DAB1: variants seen among roughly 807,000 people sequenced by gnomAD.
DAB1 encodes DAB adaptor protein 1, also known as disabled homolog 1.
A neutral mutation model predicts 64.6 loss-of-function variants in DAB1; 15 were observed. The observed-to-expected ratio is 0.23, with a 90% CI of 0.16 to 0.36. DAB1 has a LOEUF of 0.36. Ranked by LOEUF, DAB1 falls within the 10% of genes least tolerant of loss-of-function variation. The pLI is 1.00. For synonymous variants in DAB1, 235 were observed against 251.9 expected (o/e 0.93, Z 0.64); for missense variants, 596 against 706.7 (o/e 0.84, Z 1.78).
intron 5 of DAB1, among the ~76,000 whole-genome samples, chr1:58,147,242 G>T (rs1375664170): frequency 6.6e-6 from 1 of 151,250 alleles, no homozygotes; most frequent in East Asian, 1.9e-4. Context: ...GGGAGGCGGA[G>T]GTTGCAGTGA....
chr1:57,573,089 T>G (rs943210976), intron 7 of DAB1, among the ~76,000 whole-genome samples: 2 of 152,016 alleles, frequency 1.3e-5, no homozygotes, highest in Non-Finnish European at 2.9e-5. Flanking sequence ...TAATTTTTGG[T>G]TTTTGGTGTT....
At chr1:58,326,552 T>C (rs1662829018) in intron 4 of DAB1, among the ~76,000 whole-genome samples, 1 of 152,212 alleles carries the variant, frequency 6.6e-6, no homozygotes, top group Non-Finnish European at 1.5e-5. Flanking sequence ...TTGAGTCACA[T>C]TCAGCAAATG....
At chr1:57,695,364 G>GAAAGAAAGA (rs1646821517) in intron 6 of DAB1, among the ~76,000 whole-genome samples, 1 of 40,162 alleles carries the variant, frequency 2.5e-5, no homozygotes, top group Admixed American at 3.0e-4. Flanking sequence ...AAAGAAAGAA[G>GAAAGAAAGA]AAAGAAAGAA....
intron 4 of DAB1, among the ~76,000 whole-genome samples, chr1:58,293,210 G>C (rs1016154866): frequency 2.6e-5 from 4 of 152,188 alleles, no homozygotes; most frequent in Non-Finnish European, 4.4e-5. Flanking sequence ...GTCATGACTT[G>C]AGTCTAGCTC....
At chr1:57,064,445 C>G (rs1412061833) in intron 8 of DAB1, among the ~76,000 whole-genome samples, 1 of 152,164 alleles carries the variant, frequency 6.6e-6, no homozygotes, top group Non-Finnish European at 1.5e-5. Context: ...TTGTGTCTTA[C>G]ATACATTCTC....
chr1:57,171,760 T>A (rs1190116131), intron 2 of DAB1, among the ~76,000 whole-genome samples: 1 of 152,214 alleles, frequency 6.6e-6, no homozygotes, highest in Non-Finnish European at 1.5e-5. Context: ...GTCTGCACAG[T>A]TTATGTCCTG....
At chr1:57,660,006 T>TAAAA (rs1341342047) in intron 6 of DAB1, among the ~76,000 whole-genome samples, 1 of 147,980 alleles carries the variant, frequency 6.8e-6, no homozygotes, top group Non-Finnish European at 1.5e-5. Context: ...AATAAATAAA[T>TAAAA]AAATAAATAA....
chr1:57,259,773 T>A (rs197638), intron 2 of DAB1, among the ~76,000 whole-genome samples: 226 of 152,092 alleles, frequency 1.5e-3, no homozygotes, highest in African/African-American at 5.2e-3. Context: ...CAATTACTTC[T>A]GAGCTTCTGC....
chr1:57,289,809 T>A (rs1310595034), intron 2 of DAB1, among the ~76,000 whole-genome samples: 1 of 152,044 alleles, frequency 6.6e-6, no homozygotes, highest in African/African-American at 2.4e-5. Flanking sequence ...CCCATGCAGC[T>A]GAGAAAACAA....
intron 3 of DAB1, among the ~76,000 whole-genome samples, chr1:58,469,577 T>A (rs1645334509): frequency 6.6e-6 from 1 of 152,220 alleles, no homozygotes; most frequent in African/African-American, 2.4e-5. Flanking sequence ...TGATCTCCAC[T>A]GAACCTTCTA....
intron 5 of DAB1, among the ~76,000 whole-genome samples, chr1:58,053,457 C>G (rs1445316653): frequency 6.6e-6 from 1 of 152,078 alleles, no homozygotes; most frequent in Non-Finnish European, 1.5e-5. Context: ...TTTCAACAAC[C>G]AACTCTCGAA....
intron 3 of DAB1, among the ~76,000 whole-genome samples, chr1:58,399,829 T>C (rs564206631): frequency 2.0e-4 from 31 of 152,280 alleles, no homozygotes; most frequent in African/African-American, 7.0e-4. Flanking sequence ...CAAGGTAATC[T>C]GTGGAGCTGG....
intron 6 of DAB1, among the ~76,000 whole-genome samples, chr1:57,689,114 G>A (rs941556948): frequency 2.6e-5 from 4 of 152,096 alleles, no homozygotes; most frequent in Non-Finnish European, 5.9e-5. Flanking sequence ...CATTTTGAGG[G>A]AAAATGAGTC....
intron 7 of DAB1, among the ~76,000 whole-genome samples, chr1:57,439,421 T>TTTTTTTTTTG (rs1558381279): frequency 8.4e-6 from 1 of 118,860 alleles, no homozygotes; most frequent in African/African-American, 3.7e-5. Context: ...TGATGAGGTT[T>TTTTTTTTTTG]TTTCTTTTTT....
At chr1:57,450,364 A>T (rs1686304259) in intron 7 of DAB1, among the ~76,000 whole-genome samples, 1 of 152,208 alleles carries the variant, frequency 6.6e-6, no homozygotes, top group Admixed American at 6.5e-5. Context: ...TAGCTTTCCA[A>T]ATAATTTAGC....
At chr1:57,384,385 T>C (rs1283058200) in intron 1 of DAB1, among the ~76,000 whole-genome samples, 1 of 152,162 alleles carries the variant, frequency 6.6e-6, no homozygotes, top group Non-Finnish European at 1.5e-5. Flanking sequence ...ATTACCATAT[T>C]ATTCAGCAAT....
Position 57,834,975 on chromosome 1 carries a change from T to C in DAB1, n.88-8520A>G, listed in dbSNP as rs1652747876. ...TGTTAAGAGAGGTCTGGGTTCTCCA[T>C]ACAGAGAGTTTAAAGTTTCATGAAA... On this transcript the variant is annotated intron_variant and non_coding_transcript_variant, in intron 1 of 1. Transcript: ENST00000477280. Among the ~76,000 whole-genome samples, 4 of 152,134 alleles carry C rather than the reference T, an allele frequency of 2.6e-5. No individual in the cohort carries two copies. In the South Asian group the frequency reaches 8.3e-4, roughly 32 times the overall value.
At chr1:57,689,233 C>G (rs1646735626) in intron 6 of DAB1, among the ~76,000 whole-genome samples, 1 of 151,918 alleles carries the variant, frequency 6.6e-6, no homozygotes, top group South Asian at 2.1e-4. Context: ...GGGTAGCAGA[C>G]CAAGGAGGAG....
chr1:57,155,146 G>A (rs1427363585), intron 2 of DAB1, among the ~76,000 whole-genome samples: 2 of 152,190 alleles, frequency 1.3e-5, no homozygotes, highest in Non-Finnish European at 2.9e-5. Flanking sequence ...TCTTGTAGAA[G>A]TTTAATAGAC....
Sources: gnomAD v4.1 joint callset for allele counts (sites outside exome capture counted in the v4.1 genomes callset) on GRCh38, gnomAD v4.1.1 for gene constraint, MANE v1.5 for transcripts, NCBI Gene and HGNC (gene_info 2026-07-23, HGNC 2026-07-21) for gene names.